Variants in CACNA1C observed in about 807,000 individuals in gnomAD.
CACNA1C encodes the protein voltage-dependent L-type calcium channel subunit alpha-1C.
A neutral mutation model predicts 229.0 loss-of-function variants in CACNA1C; 30 were observed. The ratio of observed to expected loss-of-function variants is 0.13; its 90% CI spans 0.10 to 0.18. CACNA1C has a LOEUF of 0.18. CACNA1C is among the 10% of genes least tolerant of loss of function. The pLI is 1.00. For synonymous variants in CACNA1C, 1,114 were observed against 1,132.5 expected (o/e 0.98, Z 0.33); for missense variants, 1,658 against 2,845.0 (o/e 0.58, Z 9.49).
At chr12:2,480,541 C>T (rs1416369177) in intron 5 of CACNA1C, among the ~76,000 whole-genome samples, 2 of 152,226 alleles carry the variant, frequency 1.3e-5, no homozygotes, top group Non-Finnish European at 2.9e-5. Context: ...ATCTCTAGCA[C>T]GCAAGCATGG....
At chr12:2,142,428 T>C (rs1247714193) in intron 3 of CACNA1C, among the ~76,000 whole-genome samples, 1 of 151,356 alleles carries the variant, frequency 6.6e-6, no homozygotes, top group Non-Finnish European at 1.5e-5. Flanking sequence ...TGTACAGTAC[T>C]GTACAGTACA....
At chr12:2,065,012 C>T (rs985812466) in intron 1 of CACNA1C, among the ~76,000 whole-genome samples, 2 of 152,182 alleles carry the variant, frequency 1.3e-5, no homozygotes, top group Non-Finnish European at 2.9e-5. Context: ...TTAATCCAAC[C>T]GACTATTAGT....
chr12:2,551,617 G>A (rs530768410), intron 10 of CACNA1C, among the ~76,000 whole-genome samples: 18 of 152,296 alleles, frequency 1.2e-4, no homozygotes, highest in African/African-American at 4.1e-4. Context: ...CTGAGATTGC[G>A]TGTGATGGTC....
At chr12:2,395,040 G>T (rs2098546807) in intron 3 of CACNA1C, among the ~76,000 whole-genome samples, 1 of 151,904 alleles carries the variant, frequency 6.6e-6, no homozygotes, top group Non-Finnish European at 1.5e-5. Context: ...TTTTAATAGA[G>T]ACAGGATCTC....
chr12:2,387,253 G>A (rs1235366052), intron 3 of CACNA1C, among the ~76,000 whole-genome samples: 1 of 152,162 alleles, frequency 6.6e-6, no homozygotes, highest in Non-Finnish European at 1.5e-5. Context: ...AGGAGGCCAA[G>A]GTGGGTGCAT....
At chr12:2,460,037 C>T (rs1247655824) in intron 5 of CACNA1C, among the ~76,000 whole-genome samples, 1 of 152,242 alleles carries the variant, frequency 6.6e-6, no homozygotes, top group South Asian at 2.1e-4. Flanking sequence ...TGGCTCATGG[C>T]ACCTGAGGGT....
chr12:2,475,423 C>T (rs1040877461), intron 5 of CACNA1C, among the ~76,000 whole-genome samples: 1 of 152,104 alleles, frequency 6.6e-6, no homozygotes. Context: ...AATAGACCCA[C>T]AGGGAATTGA....
At chr12:2,268,633 A>G (rs1461950456) in intron 3 of CACNA1C, among the ~76,000 whole-genome samples, 1 of 151,870 alleles carries the variant, frequency 6.6e-6, no homozygotes, top group Non-Finnish European at 1.5e-5. Flanking sequence ...CCTCTGAGGG[A>G]CCCTAATGGA....
At chr12:2,609,112 GA>G (rs755473148) in intron 27 of CACNA1C, among the ~76,000 whole-genome samples, 42 of 152,316 alleles carry the variant, frequency 2.8e-4, no homozygotes, top group Non-Finnish European at 3.4e-4. Context: ...ACGGCTTCAG[GA>G]AACCACTCTT....
intron 3 of CACNA1C, among the ~76,000 whole-genome samples, chr12:2,323,146 G>A (rs911252507): frequency 6.6e-6 from 1 of 151,974 alleles, no homozygotes; most frequent in Admixed American, 6.6e-5. Context: ...TTGCACACAC[G>A]GGAGACAGCC....
rs200602896 is a variant in CACNA1C at position 2,457,567 on chromosome 12, G to A, written c.618G>A (p.Gly206=). The A allele has an allele frequency of 6.3e-5, 102 of 1,610,800 alleles. No homozygotes were observed. In the Admixed American group the frequency reaches 6.9e-4, roughly 11 times the overall value. Residue 206 remains glycine (G), a splice_region_variant and synonymous_variant, in exon 5 of 47, where the codon GGG becomes GGA. Coordinates refer to ENST00000399655, the MANE Select transcript of CACNA1C (RefSeq NM_000719.7). ...TCCTTCTCTCTTTCCTCTCTTCTAGGCTTTTTAGTGCAATTTTAGAACAAG... is the reference window on the plus strand; with the variant it reads ...TCCTTCTCTCTTTCCTCTCTTCTAGACTTTTTAGTGCAATTTTAGAACAAG... ...NLLDFIIVVV[G]LFSAILEQAT...
intron 9 of CACNA1C, among the ~76,000 whole-genome samples, chr12:2,533,955 A>G (rs1409557339): frequency 6.6e-6 from 1 of 152,190 alleles, no homozygotes; most frequent in Non-Finnish European, 1.5e-5. Context: ...GCAAAGAACC[A>G]TATGTGTCAG....
intron 3 of CACNA1C, chr12:2,221,511 G>C (rs2061464754): frequency 6.6e-6 from 1 of 152,210 alleles, no homozygotes; most frequent in African/African-American, 2.4e-5. Flanking sequence ...AGGATGCCAG[G>C]CAGTTTGTTC....
intron 1 of CACNA1C, among the ~76,000 whole-genome samples, chr12:2,038,922 A>G (rs527439369): frequency 6.6e-6 from 1 of 152,314 alleles, no homozygotes; most frequent in East Asian, 1.9e-4. Context: ...TGTCAAAAAA[A>G]AAAGCCTGTA....
chr12:2,399,326 C>T (rs1281285614), intron 3 of CACNA1C, among the ~76,000 whole-genome samples: 2 of 152,154 alleles, frequency 1.3e-5, no homozygotes, highest in Non-Finnish European at 2.9e-5. Flanking sequence ...CCTTTTACCC[C>T]CTGTCCTCTT....
Position 2,271,893 on chromosome 12 carries a change from A to G in CACNA1C, c.477+151463A>G, listed in dbSNP as rs185543891. Among the ~76,000 whole-genome samples, 43 of 151,630 alleles carry G rather than the reference A, an allele frequency of 2.8e-4. No homozygotes were observed. The East Asian group carries it at 8.1e-3, about 29-fold the overall frequency. On this transcript the variant is annotated intron_variant, in intron 3 of 46. Coordinates refer to ENST00000399655, the MANE Select transcript of CACNA1C (RefSeq NM_000719.7). ...CCTGGGTGAGAGAGTGAGACTGTCT[A>G]AAAAAAAATGTTTAAGTGTGTCAAG...
chr12:2,117,121 A>C (rs1465188396), intron 2 of CACNA1C, among the ~76,000 whole-genome samples: 1 of 152,166 alleles, frequency 6.6e-6, no homozygotes, highest in Non-Finnish European at 1.5e-5. Flanking sequence ...TAATACAAAA[A>C]TTAGCCAGGC....
At chr12:2,338,688 C>G (rs1176184690) in intron 3 of CACNA1C, among the ~76,000 whole-genome samples, 1 of 152,114 alleles carries the variant, frequency 6.6e-6, no homozygotes, top group Non-Finnish European at 1.5e-5. Context: ...CAGCGAGCGA[C>G]CCGGTATGCC....
rs2095881955 is a variant in CACNA1C at position 2,319,817 on chromosome 12, G to T, written c.478-129159G>T. Among the ~76,000 whole-genome samples the T allele has an allele frequency of 6.6e-6, 1 of 152,056 alleles. No homozygotes were observed. Among genetic ancestry groups the T allele is most frequent in the South Asian group, 2.1e-4 (1 of 4,820 alleles). Reference sequence around the variant, plus strand: ...AAGGGGCTGGACCCTGAAAGAGCCTGCCAGGTATCCCCTTCTAGCAGGAGG... The same window carrying T: ...AAGGGGCTGGACCCTGAAAGAGCCTTCCAGGTATCCCCTTCTAGCAGGAGG... On this transcript the variant is annotated intron_variant, in intron 3 of 46. Transcript: ENST00000399655. This position sits in a 1 kb window ranked among gnomAD's most constrained non-coding sequence, Gnocchi z 4.0.
Sources: gnomAD v4.1 joint callset for allele counts (sites outside exome capture counted in the v4.1 genomes callset) on GRCh38, gnomAD v4.1.1 for gene constraint, Gnocchi (gnomAD v3.1) non-coding constraint, MANE v1.5 for transcripts, NCBI Gene and HGNC (gene_info 2026-07-23, HGNC 2026-07-21) for gene names.